Variants in ANKH observed in about 807,000 individuals in gnomAD.
The protein encoded by ANKH is mineralization regulator ANKH.
Under a neutral mutation model 49.0 loss-of-function variants are expected in ANKH, and 15 were observed. The ratio of observed to expected loss-of-function variants is 0.31; its 90% CI spans 0.20 to 0.47. The LOEUF (loss-of-function observed/expected upper bound fraction) is 0.47, where lower values mean the gene tolerates loss of function less well. Among genes scored for constraint, ANKH ranks in the 20% least tolerant of loss-of-function variants. The pLI, the probability that ANKH is intolerant of heterozygous loss-of-function variation, is 1.00. For synonymous variants in ANKH, 273 were observed against 260.0 expected, an observed-to-expected ratio of 1.05 and a Z score of -0.48; for missense variants, 429 against 652.0, an observed-to-expected ratio of 0.66 and a Z score of 3.72.
intron 1 of ANKH, among the ~76,000 whole-genome samples, chr5:14,853,894 T>C (rs938854652): frequency 6.6e-6 from 1 of 152,096 alleles, no homozygotes; most frequent in Non-Finnish European, 1.5e-5. Flanking sequence ...TACACAAAGA[T>C]AGAGCAAACC....
At chr5:14,863,800 A>G (rs1408225321) in intron 1 of ANKH, among the ~76,000 whole-genome samples, 1 of 152,196 alleles carries the variant, frequency 6.6e-6, no homozygotes, top group East Asian at 1.9e-4. Context: ...CCCACCCAAC[A>G]TAACCTGCTC....
chr5:14,821,427 T>C (rs920692721), intron 1 of ANKH, among the ~76,000 whole-genome samples: 1 of 152,176 alleles, frequency 6.6e-6, no homozygotes, highest in Non-Finnish European at 1.5e-5. Context: ...TGGAATGACA[T>C]AAAATAGTTC....
chr5:14,838,596 C>G (rs1685631560), intron 1 of ANKH, among the ~76,000 whole-genome samples: 1 of 152,040 alleles, frequency 6.6e-6, no homozygotes, highest in African/African-American at 2.4e-5. Flanking sequence ...CCTGGGGGAC[C>G]CCACGCCTGC....
rs886060066 is a variant in ANKH, at chr5:14,705,156, A to G, written c.*6041T>C. 1 of 152,160 alleles carries G rather than the reference A, an allele frequency of 6.6e-6. No homozygotes were observed. Among genetic ancestry groups the G allele is most frequent in the Non-Finnish European group, 1.5e-5 (1 of 68,024 alleles). The allele number at this position is 152,160 out of a possible 1,614,324, so 9.4% of individuals were successfully genotyped here. On this transcript the variant is annotated 3_prime_UTR_variant, in exon 12 of 12. Coordinates refer to ENST00000284268, the MANE Select transcript of ANKH (RefSeq NM_054027.6). The stretch of plus-strand genomic sequence containing the variant: ...ACTACAGATGCACACCACTGTGCCC[A>G]GCTAAATATTTTAATGTGATTGGTT...
intron 1 of ANKH, among the ~76,000 whole-genome samples, chr5:14,825,033 C>T (rs1741300331): frequency 6.6e-6 from 1 of 152,000 alleles, no homozygotes; most frequent in Admixed American, 6.6e-5. Flanking sequence ...AAAACTGAAA[C>T]AAAACAGTGT....
In ANKH at chr5:14,822,400, T is replaced by C. The variant is rs143070107; in HGVS notation, c.96+48952A>G. 2.4e-4 allele frequency among the ~76,000 whole-genome samples: 36 copies of C among 152,336 alleles called. No individual in the cohort carries two copies. In the East Asian group the frequency reaches 6.9e-3, roughly 29 times the overall value. On this transcript the variant is annotated intron_variant, in intron 1 of 11. Coordinates refer to ENST00000284268, the MANE Select transcript of ANKH (RefSeq NM_054027.6). ...ACATTACTTCTGTTGGACAGCTGCATGAGACACTTCTTTGGAGGAGGCTGT... is the reference window on the plus strand; with the variant it reads ...ACATTACTTCTGTTGGACAGCTGCACGAGACACTTCTTTGGAGGAGGCTGT...
At chr5:14,869,294 C>T (rs1735749449) in intron 1 of ANKH, 1 of 152,186 alleles carries the variant, frequency 6.6e-6, no homozygotes, top group Non-Finnish European at 1.5e-5. Context: ...TCTCTCTCAC[C>T]CTGCAGCATT....
intron 1 of ANKH, among the ~76,000 whole-genome samples, chr5:14,847,580 T>C (rs1742001859): frequency 6.6e-6 from 1 of 152,190 alleles, no homozygotes; most frequent in Non-Finnish European, 1.5e-5. Context: ...AGCTGTCCTC[T>C]GGATTAGTAA....
intron 1 of ANKH, among the ~76,000 whole-genome samples, chr5:14,810,331 G>A (rs777676094): frequency 4.0e-5 from 6 of 151,852 alleles, no homozygotes; most frequent in Non-Finnish European, 7.4e-5. Flanking sequence ...TAATTTTTCT[G>A]TATTTTTAGT....
chr5:14,713,755 G>C lies in ANKH; in HGVS notation c.1142-88C>G, dbSNP rs1579998861. ...CTGGACCAGGGCAGCACATCCGAGA[G>C]CCAGGGGCTGCCTAGGACCCTGGCC... On this transcript the variant is annotated intron_variant, in intron 9 of 11. Coordinates refer to ENST00000284268, the MANE Select transcript of ANKH (RefSeq NM_054027.6). This position sits in a 1 kb window ranked among gnomAD's most constrained non-coding sequence, Gnocchi z 4.4. 3 of 1,582,374 alleles carry C rather than the reference G, an allele frequency of 1.9e-6. No homozygotes were observed. The highest frequency in any genetic ancestry group is 1.7e-5 in the Admixed American group (1 of 59,924).
At chr5:14,791,097 T>G (rs749545055) in intron 1 of ANKH, among the ~76,000 whole-genome samples, 1 of 152,172 alleles carries the variant, frequency 6.6e-6, no homozygotes, top group Non-Finnish European at 1.5e-5. Context: ...CATTAAGCTA[T>G]TAGTGGCAAT....
chr5:14,742,744 A>T (rs1007612227), intron 7 of ANKH, among the ~76,000 whole-genome samples: 1 of 152,146 alleles, frequency 6.6e-6, no homozygotes, highest in Non-Finnish European at 1.5e-5. Context: ...CGTAGAAAAG[A>T]TGCCCCAAGA....
At position 14,708,681 on chromosome 5, in the gene ANKH, A is replaced by G. The variant is rs1249248143; in HGVS notation, c.*2516T>C. ...AAGTGAAGAAAATGTACGAAGAAGG[A>G]TCACGTGCTTTAAGGTGAAAGGTTT... On this transcript the variant is annotated 3_prime_UTR_variant, in exon 12 of 12. Coordinates refer to ENST00000284268, the MANE Select transcript of ANKH (RefSeq NM_054027.6). 2 of 152,208 alleles carry G rather than the reference A, an allele frequency of 1.3e-5. No homozygotes were observed. The highest frequency in any genetic ancestry group is 4.8e-5 in the African/African-American group (2 of 41,452). 9.4% of individuals were successfully genotyped at this position (152,208 alleles called of 1,614,324 possible). A position where few individuals can be genotyped will look rare whatever the true frequency, so the allele number is the denominator to read the frequency against.
At chr5:14,746,056 G>T in intron 6 of ANKH, 94 bp from the exon 7 acceptor site, 1 of 967,788 alleles carries the variant, frequency 1.0e-6, no homozygotes, top group Non-Finnish European at 1.6e-6. Flanking sequence ...CTCAGGTGCA[G>T]CCACTGAGGA....
At position 14,743,478 on chromosome 5, in the gene ANKH, T is replaced by C. The variant is rs1425004280; in HGVS notation, c.916-1556A>G. Among the ~76,000 whole-genome samples, 3 of 152,352 alleles carry C rather than the reference T, an allele frequency of 2.0e-5. No homozygotes were observed. The East Asian group carries it at 5.8e-4, about 29-fold the overall frequency. ...CTGGAGTTTCAGTTTGTTTGCCCAA[T>C]TGGCTCAGAAGCATCCTTTTTTGCA... On this transcript the variant is annotated intron_variant, in intron 7 of 11. Coordinates refer to ENST00000284268, the MANE Select transcript of ANKH (RefSeq NM_054027.6).
rs553897763 is a variant in ANKH at position 14,721,852 on chromosome 5, T to C, written c.1012-5017A>G. 1.7e-4 allele frequency among the ~76,000 whole-genome samples: 23 copies of C among 135,424 alleles called. No homozygotes were observed. The South Asian group carries it at 4.4e-3, about 26-fold the overall frequency. The allele number at this position is 135,424 out of a possible 152,430, so 88.8% of individuals were successfully genotyped here. A position where few individuals can be genotyped will look rare whatever the true frequency, so the allele number is the denominator to read the frequency against. On this transcript the variant is annotated intron_variant, in intron 8 of 11. Coordinates refer to ENST00000284268, the MANE Select transcript of ANKH (RefSeq NM_054027.6). Reference sequence around the variant, plus strand: ...GGCTGAGGCAGGAGAATGGCGTGAATCGGGGAGGCGGAGCTTGCAGTGAGC... The same window carrying C: ...GGCTGAGGCAGGAGAATGGCGTGAACCGGGGAGGCGGAGCTTGCAGTGAGC...
At chr5:14,771,001 C>T (rs1309115312) in intron 1 of ANKH, among the ~76,000 whole-genome samples, 2 of 152,186 alleles carry the variant, frequency 1.3e-5, no homozygotes, top group African/African-American at 4.8e-5. Flanking sequence ...ATGCACTTTT[C>T]CTGTCTATTT....
intron 1 of ANKH, among the ~76,000 whole-genome samples, chr5:14,807,943 T>C (rs962246813): frequency 3.3e-5 from 5 of 152,238 alleles, no homozygotes; most frequent in East Asian, 1.9e-4. Flanking sequence ...CTTTCTTCAT[T>C]AGCTCCTTTA....
intron 1 of ANKH, among the ~76,000 whole-genome samples, chr5:14,803,190 C>A (rs258229): frequency 0.22 from 33,841 of 152,176 alleles, 4,637 homozygotes; most frequent in Admixed American, 0.32. Flanking sequence ...AGTTTGAAAG[C>A]CCCTCCTGCA....
Sources: allele counts gnomAD v4.1 joint callset (sites outside exome capture counted in the v4.1 genomes callset), GRCh38; gene constraint gnomAD v4.1.1; non-coding constraint Gnocchi (gnomAD v3.1); transcripts MANE v1.5; gene names NCBI Gene and HGNC (gene_info 2026-07-23, HGNC 2026-07-21).